PRMT3: variants seen among roughly 807,000 people sequenced by gnomAD.
The protein encoded by PRMT3 is protein arginine N-methyltransferase 3.
In PRMT3, 62 loss-of-function variants were observed where a neutral mutation model predicts 71.9. The observed-to-expected ratio is 0.86, with a 90% confidence interval of 0.70 to 1.07. The LOEUF is 1.07. PRMT3 is among the 50% of genes least tolerant of loss of function. The pLI, the probability that PRMT3 is intolerant of heterozygous loss-of-function variation, is 0.00. For missense variants in PRMT3, 663 were observed against 643.0 expected, an observed-to-expected ratio of 1.03 and a Z score of -0.34; for synonymous variants, 213 against 220.4, an observed-to-expected ratio of 0.97 and a Z score of 0.30.
intron 13 of PRMT3, among the ~76,000 whole-genome samples, chr11:20,486,967 G>A (rs190512745): frequency 7.2e-5 from 11 of 151,926 alleles, no homozygotes; most frequent in Admixed American, 2.6e-4. Flanking sequence ...TGAGGCAGGA[G>A]AATTGCTTGA....
chr11:20,492,049 C>T (rs1851220067), intron 13 of PRMT3, among the ~76,000 whole-genome samples: 1 of 152,134 alleles, frequency 6.6e-6, no homozygotes, highest in South Asian at 2.1e-4. Context: ...TACTATATAA[C>T]ATTGTATTGG....
chr11:20,445,097 G>C (rs1217232972), intron 10 of PRMT3, among the ~76,000 whole-genome samples: 1 of 151,006 alleles, frequency 6.6e-6, no homozygotes, highest in Non-Finnish European at 1.5e-5. Flanking sequence ...GTTAAAAGTG[G>C]ATTTCTTCTA....
chr11:20,452,020 C>A, intron 10 of PRMT3, 110 bp from the exon 11 acceptor site: 1 of 709,088 alleles, frequency 1.4e-6, no homozygotes, highest in Non-Finnish European at 2.1e-6. Flanking sequence ...ACATCTGTGG[C>A]AGAAAAAAAA....
At chr11:20,452,659 G>A (rs1850176535) in intron 11 of PRMT3, among the ~76,000 whole-genome samples, 1 of 152,136 alleles carries the variant, frequency 6.6e-6, no homozygotes, top group Non-Finnish European at 1.5e-5. Context: ...GTAGTGACTG[G>A]TTTCTAATGA....
At chr11:20,433,177 T>A (rs1849690135) in intron 10 of PRMT3, among the ~76,000 whole-genome samples, 1 of 152,084 alleles carries the variant, frequency 6.6e-6, no homozygotes, top group South Asian at 2.1e-4. Context: ...ACCCAATAGT[T>A]ATTTTTTTTT....
At position 20,504,925 on chromosome 11, in the gene PRMT3, G is replaced by C. The variant is rs1340702543; in HGVS notation, c.1487-3379G>C. 2.6e-5 allele frequency among the ~76,000 whole-genome samples: 4 copies of C among 152,146 alleles called. No homozygotes were observed. In the East Asian group the frequency reaches 7.7e-4, roughly 29 times the overall value. On this transcript the variant is annotated intron_variant, in intron 15 of 15. Transcript: ENST00000331079. ...TTTTTGTGTTTTTAGTAGAGACAGA[G>C]TTTTGCCAGGTTGGCCAGGCTGGTC...
intron 9 of PRMT3, among the ~76,000 whole-genome samples, chr11:20,424,547 A>C (rs1301940074): frequency 6.6e-6 from 1 of 152,222 alleles, no homozygotes; most frequent in Non-Finnish European, 1.5e-5. Flanking sequence ...AACAAGATAC[A>C]TATGGGAAAA....
chr11:20,463,869 A>G (rs1850444577), intron 12 of PRMT3, among the ~76,000 whole-genome samples: 1 of 139,154 alleles, frequency 7.2e-6, no homozygotes, highest in African/African-American at 2.6e-5. Context: ...TGGGAAAATA[A>G]AGATATTTCG....
chr11:20,441,788 G>GTGTTTTTTT (rs1491118858), intron 10 of PRMT3, among the ~76,000 whole-genome samples: 2 of 118,532 alleles, frequency 1.7e-5, no homozygotes, highest in Non-Finnish European at 3.5e-5. Flanking sequence ...ATAGTTTCAG[G>GTGTTTTTTT]TTTTTTTTTT....
intron 3 of PRMT3, among the ~76,000 whole-genome samples, chr11:20,391,492 C>A (rs925076766): frequency 6.6e-6 from 1 of 152,188 alleles, no homozygotes; most frequent in African/African-American, 2.4e-5. Context: ...ATCCGCCTGC[C>A]TTGGCCTCCC....
chr11:20,470,854 A>G (rs150550037), intron 13 of PRMT3, among the ~76,000 whole-genome samples: 3 of 152,284 alleles, frequency 2.0e-5, no homozygotes, highest in Middle Eastern at 3.4e-3. Flanking sequence ...TTACATTTCC[A>G]CCAACCATGT....
At chr11:20,388,294 C>A in intron 2 of PRMT3, 140 bp downstream of exon 2, 1 of 1,279,238 alleles carries the variant, frequency 7.8e-7, no homozygotes, top group East Asian at 2.5e-5. Context: ...GGGGTGAGGG[C>A]TTGTGGAGAA....
At chr11:20,467,999 C>T (rs139768249) in intron 13 of PRMT3, among the ~76,000 whole-genome samples, 145 of 152,262 alleles carry the variant, frequency 9.5e-4, no homozygotes, top group Middle Eastern at 3.4e-3. Context: ...ATGGATTAGT[C>T]GCCCAGTTTA....
chr11:20,441,105 A>G (rs951892992), intron 10 of PRMT3, among the ~76,000 whole-genome samples: 1 of 151,834 alleles, frequency 6.6e-6, no homozygotes, highest in Admixed American at 6.6e-5. Flanking sequence ...ATATCAAATA[A>G]GTATGTTTAT....
chr11:20,391,875 G>C (rs1848723046), intron 3 of PRMT3, among the ~76,000 whole-genome samples: 1 of 150,762 alleles, frequency 6.6e-6, no homozygotes, highest in Non-Finnish European at 1.5e-5. Context: ...AATACTTTCA[G>C]CTCTGATATC....
intron 9 of PRMT3, among the ~76,000 whole-genome samples, chr11:20,411,327 A>T (rs6416027): frequency 5.3e-5 from 8 of 151,922 alleles, no homozygotes; most frequent in South Asian, 2.1e-4. Context: ...TCATTTTGTC[A>T]GCCAGATTTT....
chr11:20,454,572 GAGAA>G (rs767499311), intron 11 of PRMT3, among the ~76,000 whole-genome samples: 14 of 152,172 alleles, frequency 9.2e-5, no homozygotes, highest in Non-Finnish European at 1.8e-4. Context: ...ACAGAATCAA[GAGAA>G]AGAAAGTTCA....
intron 9 of PRMT3, among the ~76,000 whole-genome samples, chr11:20,425,167 G>A (rs1362911134): frequency 2.7e-5 from 4 of 150,800 alleles, no homozygotes; most frequent in Admixed American, 1.3e-4. Context: ...CAAAAGATTC[G>A]AACGAAAGAA....
chr11:20,408,019 A>G lies in PRMT3; in HGVS notation c.880A>G (p.Met294Val), dbSNP rs768671334. 1.9e-6 allele frequency: 3 copies of G among 1,578,602 alleles called. No homozygotes were observed. The highest frequency in any genetic ancestry group is 1.7e-4 in the Middle Eastern group (1 of 5,974). The change falls in exon 9 of 16, where the codon ATG (methionine) becomes GTG (valine). Residue 294 changes from methionine to valine, a missense_variant. Transcript: ENST00000331079. ...TCAATCTGAAATACTTTACCAGGCA[A>G]TGGATATTATAAGGTACATATATTT... The part of the protein sequence containing the change: ...VDQSEILYQA[M>V]DIIRLNKLED...
Sources: gnomAD v4.1 joint callset for allele counts (sites outside exome capture counted in the v4.1 genomes callset) on GRCh38, gnomAD v4.1.1 for gene constraint, MANE v1.5 for transcripts, NCBI Gene and HGNC (gene_info 2026-07-23, HGNC 2026-07-21) for gene names.